The following RHPN2 variants were observed in gnomAD, a reference collection of about 807,000 sequenced individuals.
RHPN2 encodes the protein rhophilin-2.
A neutral mutation model predicts 79.0 loss-of-function variants in RHPN2; 40 were observed. That is an observed-to-expected ratio of 0.51 (90% CI 0.39 to 0.66). The LOEUF is 0.66. Among genes scored for constraint, RHPN2 ranks in the 30% least tolerant of loss-of-function variants. The pLI is 0.00. For missense variants in RHPN2, 686 were observed against 883.5 expected, an observed-to-expected ratio of 0.78 and a Z score of 2.83; for synonymous variants, 285 against 363.5, an observed-to-expected ratio of 0.78 and a Z score of 2.46.
At position 32,990,675 on chromosome 19, in the gene RHPN2, A is replaced by G; in HGVS notation, c.1645-6T>C. 1 of 1,613,976 alleles carries G rather than the reference A, an allele frequency of 6.2e-7. No homozygotes were observed. The highest frequency in any genetic ancestry group is 8.5e-7 in the Non-Finnish European group (1 of 1,179,854). On this transcript the variant is annotated splice_polypyrimidine_tract_variant and splice_region_variant and intron_variant, in intron 13 of 14. Coordinates refer to ENST00000254260, the MANE Select transcript of RHPN2 (RefSeq NM_033103.5). ...CCTTCCCGGGCTCCTGCCACCTGAA[A>G]AAGTATTGTTGAAATTAAGTCAACG...
intron 14 of RHPN2, among the ~76,000 whole-genome samples, chr19:32,989,976 G>A (rs1971641394): frequency 6.6e-6 from 1 of 152,076 alleles, no homozygotes; most frequent in Non-Finnish European, 1.5e-5. Context: ...ATGTTGGCAG[G>A]CGCCTGTAGT....
chr19:33,019,973 G>A (rs751198321), intron 4 of RHPN2, among the ~76,000 whole-genome samples: 5 of 152,132 alleles, frequency 3.3e-5, no homozygotes, highest in Admixed American at 1.3e-4. Context: ...AGGGAAGGAA[G>A]AGGAGGGTAT....
intron 9 of RHPN2, among the ~76,000 whole-genome samples, chr19:33,001,251 C>T (rs1480872871): frequency 1.3e-5 from 2 of 152,152 alleles, no homozygotes; most frequent in African/African-American, 4.8e-5. Flanking sequence ...ATCAAAAATC[C>T]CTGGCCAGGC....
At chr19:33,006,256 G>A (rs1971790355) in intron 7 of RHPN2, among the ~76,000 whole-genome samples, 1 of 152,080 alleles carries the variant, frequency 6.6e-6, no homozygotes, top group Non-Finnish European at 1.5e-5. Context: ...GAGTACAGTG[G>A]TGCAATCATA....
chr19:33,036,809 G>A (rs924195616), intron 2 of RHPN2, among the ~76,000 whole-genome samples: 1 of 152,070 alleles, frequency 6.6e-6, no homozygotes, highest in East Asian at 1.9e-4. Context: ...TCAATTTCTC[G>A]CCTGGCCTTA....
chr19:33,022,165 G>A (rs1262340495), intron 3 of RHPN2, among the ~76,000 whole-genome samples: 2 of 152,080 alleles, frequency 1.3e-5, no homozygotes, highest in African/African-American at 2.4e-5. Context: ...CGTTGGCTAG[G>A]CTGGTCTTCT....
chr19:32,984,520 ATCG>A (rs1971600268), intron 14 of RHPN2, among the ~76,000 whole-genome samples: 1 of 151,910 alleles, frequency 6.6e-6, no homozygotes, highest in Non-Finnish European at 1.5e-5. Context: ...TTAGCCAGAC[ATCG>A]TGGTGGGTGC....
chr19:33,063,758 G>GGCACAAGTCCGTAGTGTGA (rs148591203), intron 1 of RHPN2, among the ~76,000 whole-genome samples: 19,757 of 151,262 alleles, frequency 0.13, 1,596 homozygotes, highest in Admixed American at 0.28. Context: ...TTATCTTCTG[G>GGCACAAGTCCGTAGTGTGA]GCCCAAGAGC....
rs1401611508 is a variant in RHPN2, at chr19:32,979,622, A to G, written c.*374T>C. ...CTGAATTCTAGGTTAAGGAATGATTATTAGCCAAACCTGGAAACAACTACA... is the reference window on the plus strand; with the variant it reads ...CTGAATTCTAGGTTAAGGAATGATTGTTAGCCAAACCTGGAAACAACTACA... On this transcript the variant is annotated 3_prime_UTR_variant, in exon 15 of 15. Coordinates refer to ENST00000254260, the MANE Select transcript of RHPN2 (RefSeq NM_033103.5). The G allele has an allele frequency of 9.0e-6, 2 of 222,376 alleles. No individual in the cohort carries two copies. The highest frequency in any genetic ancestry group is 4.7e-5 in the African/African-American group (2 of 42,500). The allele number at this position is 222,376 out of a possible 1,614,324, so 13.8% of individuals were successfully genotyped here. A position where few individuals can be genotyped will look rare whatever the true frequency, so the allele number is the denominator to read the frequency against.
At chr19:33,012,530 C>T (rs1568315867) in intron 5 of RHPN2, 117 bp downstream of exon 5, 8 of 785,388 alleles carry the variant, frequency 1.0e-5, no homozygotes, top group Non-Finnish European at 9.3e-6. Flanking sequence ...TCCAGCACCC[C>T]CCAACCATCA....
At chr19:33,035,049 C>T (rs1040635513) in intron 2 of RHPN2, among the ~76,000 whole-genome samples, 1 of 152,184 alleles carries the variant, frequency 6.6e-6, no homozygotes, top group South Asian at 2.1e-4. Flanking sequence ...CTCACTGCAA[C>T]CTCCACCTTC....
At chr19:33,064,557 C>T (rs1934040966) in intron 1 of RHPN2, among the ~76,000 whole-genome samples, 1 of 152,096 alleles carries the variant, frequency 6.6e-6, no homozygotes, top group South Asian at 2.1e-4. Context: ...ACATGCGCCT[C>T]CCCTACTCCC....
intron 14 of RHPN2, among the ~76,000 whole-genome samples, chr19:32,990,144 A>AGAAAGAAAGAAAGAAAG (rs1323728657): frequency 6.6e-6 from 1 of 151,098 alleles, no homozygotes; most frequent in Non-Finnish European, 1.5e-5. Flanking sequence ...GAATAAAGAA[A>AGAAAGAAAGAAAGAAAG]GAAAGAAAGA....
At chr19:32,992,296 C>T (rs112271875) in intron 12 of RHPN2, among the ~76,000 whole-genome samples, 10 of 151,408 alleles carry the variant, frequency 6.6e-5, no homozygotes, top group Admixed American at 5.9e-4. Context: ...CTCTGCCTCC[C>T]GGGTTCAAGT....
intron 4 of RHPN2, among the ~76,000 whole-genome samples, chr19:33,013,465 G>A (rs1288591077): frequency 6.6e-6 from 1 of 152,174 alleles, no homozygotes; most frequent in East Asian, 1.9e-4. Flanking sequence ...AAAGTGCTGG[G>A]ATTACAGGTG....
intron 3 of RHPN2, among the ~76,000 whole-genome samples, chr19:33,023,411 G>A (rs1170850994): frequency 2.0e-5 from 3 of 148,596 alleles, no homozygotes; most frequent in African/African-American, 5.0e-5. Flanking sequence ...TCCAGGCCTG[G>A]GCAAAAGAGC....
intron 2 of RHPN2, among the ~76,000 whole-genome samples, chr19:33,034,439 AC>A (rs1416989799): frequency 6.6e-6 from 1 of 151,836 alleles, no homozygotes. Context: ...CCCTGTCTCT[AC>A]TAAAAATACA....
At chr19:32,990,312 G>A (rs1162007909) in intron 14 of RHPN2, 2 of 644,066 alleles carry the variant, frequency 3.1e-6, no homozygotes, top group Non-Finnish European at 5.5e-6. Flanking sequence ...GCAAGACGCT[G>A]TCTTTAAAAA....
chr19:32,986,597 C>T (rs1281145566), intron 14 of RHPN2, among the ~76,000 whole-genome samples: 1 of 151,822 alleles, frequency 6.6e-6, no homozygotes, highest in Non-Finnish European at 1.5e-5. Flanking sequence ...AGTTCGAGAC[C>T]AGCCTGACCA....
Sources: gnomAD v4.1 joint callset for allele counts (sites outside exome capture counted in the v4.1 genomes callset) on GRCh38, gnomAD v4.1.1 for gene constraint, MANE v1.5 for transcripts, NCBI Gene and HGNC (gene_info 2026-07-23, HGNC 2026-07-21) for gene names.